Variants in SCLT1 observed in about 807,000 individuals in gnomAD.
SCLT1 encodes the protein sodium channel-associated protein 1.
In SCLT1, 78 loss-of-function variants were observed where a neutral mutation model predicts 112.8. The ratio of observed to expected loss-of-function variants is 0.69; its 90% CI spans 0.58 to 0.83. The LOEUF is 0.83. SCLT1 is among the 40% of genes least tolerant of loss of function. The pLI, the probability that SCLT1 is intolerant of heterozygous loss-of-function variation, is 0.00. For missense variants in SCLT1, 747 were observed against 770.4 expected, an observed-to-expected ratio of 0.97 and a Z score of 0.36; for synonymous variants, 257 against 254.7, an observed-to-expected ratio of 1.01 and a Z score of -0.09.
At chr4:128,906,862 T>G (rs1734732556) in intron 18 of SCLT1, among the ~76,000 whole-genome samples, 1 of 152,198 alleles carries the variant, frequency 6.6e-6, no homozygotes, top group Admixed American at 6.5e-5. Flanking sequence ...ATTGGAAAGC[T>G]ACTAGGCTTA....
At chr4:129,079,564 CTCTGCCTCT>C (rs1451829421) in intron 2 of SCLT1, among the ~76,000 whole-genome samples, 1 of 152,234 alleles carries the variant, frequency 6.6e-6, no homozygotes, top group Non-Finnish European at 1.5e-5. Flanking sequence ...CCTTGGGCAG[CTCTGCCTCT>C]GTTGCTCTGC....
chr4:128,910,771 T>C (rs972939145), intron 18 of SCLT1, among the ~76,000 whole-genome samples: 5 of 152,154 alleles, frequency 3.3e-5, no homozygotes, highest in Non-Finnish European at 5.9e-5. Flanking sequence ...TTTCTATCTT[T>C]TTAACATCAT....
At chr4:129,053,157 C>T in intron 2 of SCLT1, among the ~76,000 whole-genome samples, 1 of 152,068 alleles carries the variant, frequency 6.6e-6, no homozygotes, top group East Asian at 1.9e-4. Context: ...ATTTTGTGGT[C>T]AATTTCAGAA....
intron 1 of SCLT1, among the ~76,000 whole-genome samples, chr4:129,086,424 G>C (rs1752404578): frequency 6.6e-6 from 1 of 152,000 alleles, no homozygotes; most frequent in South Asian, 2.1e-4. Flanking sequence ...CAGGTTTACA[G>C]TTTTCCTTTC....
chr4:128,880,322 T>C (rs1338080834), downstream of SCLT1, among the ~76,000 whole-genome samples: 4 of 152,180 alleles, frequency 2.6e-5, no homozygotes, highest in Non-Finnish European at 4.4e-5. Context: ...CTTCTTTTTT[T>C]CAATGGTTCG....
At chr4:128,940,799 T>A (rs1254929833) in intron 17 of SCLT1, among the ~76,000 whole-genome samples, 1 of 152,024 alleles carries the variant, frequency 6.6e-6, no homozygotes, top group South Asian at 2.1e-4. Flanking sequence ...AGATGTAACA[T>A]ATTTACTTCT....
chr4:129,008,479 C>A (rs1160580769), intron 5 of SCLT1, among the ~76,000 whole-genome samples: 2 of 152,140 alleles, frequency 1.3e-5, no homozygotes, highest in African/African-American at 4.8e-5. Context: ...CATTATCATG[C>A]TTGTGATGCA....
chr4:129,047,915 T>G (rs1031650529), intron 2 of SCLT1, among the ~76,000 whole-genome samples: 3 of 152,174 alleles, frequency 2.0e-5, no homozygotes, highest in Admixed American at 6.6e-5. Flanking sequence ...TTTCAAATAC[T>G]CTCTCCCATT....
At chr4:129,071,878 CT>C (rs377431381) in intron 2 of SCLT1, among the ~76,000 whole-genome samples, 51 of 151,932 alleles carry the variant, frequency 3.4e-4, no homozygotes, top group African/African-American at 1.1e-3. Context: ...TTTGTTTTTG[CT>C]TTTTTAGCTT....
At chr4:128,933,116 A>T (rs944432918) in intron 18 of SCLT1, among the ~76,000 whole-genome samples, 17 of 152,148 alleles carry the variant, frequency 1.1e-4, no homozygotes, top group African/African-American at 4.1e-4. Context: ...ATTTGTATGG[A>T]ACCACAAGTG....
chr4:129,040,607 TAA>T (rs1409113947), intron 4 of SCLT1, among the ~76,000 whole-genome samples: 3 of 152,222 alleles, frequency 2.0e-5, no homozygotes, highest in Non-Finnish European at 4.4e-5. Context: ...TTCCTTACTG[TAA>T]AATATTTCAA....
chr4:128,948,572 T>C lies in SCLT1; in HGVS notation c.1219-2A>G. The C allele has an allele frequency of 6.3e-7, 1 of 1,594,166 alleles. No individual in the cohort carries two copies. The highest frequency in any genetic ancestry group is 8.6e-7 in the Non-Finnish European group (1 of 1,164,240). On this transcript the variant is annotated splice_acceptor_variant, in intron 14 of 20. Transcript: ENST00000281142. LOFTEE classifies it high-confidence loss of function. ...TTGGCCTTGTTTTTCAGCACACTCC[T>C]ATAAATTCAAGTCATATTGTAAATA... is the stretch of plus-strand genomic sequence containing the variant.
Position 128,888,670 on chromosome 4 carries a change from G to C in SCLT1, c.2004+9C>G. 6.5e-7 allele frequency: 1 copy of C among 1,541,042 alleles called. No homozygotes were observed. Among genetic ancestry groups the C allele is most frequent in the Admixed American group, 1.7e-5 (1 of 58,700 alleles). On this transcript the variant is annotated intron_variant, in intron 20 of 20. Coordinates refer to ENST00000281142, the MANE Select transcript of SCLT1 (RefSeq NM_144643.4). The stretch of plus-strand genomic sequence containing the variant: ...GTTTATTATCTAGGGATAAGAGGAT[G>C]CTCCCTACCTGCTGGGAAGCTGAAG...
At chr4:128,892,342 C>CTA (rs941128048) in intron 18 of SCLT1, among the ~76,000 whole-genome samples, 1 of 152,154 alleles carries the variant, frequency 6.6e-6, no homozygotes, top group Non-Finnish European at 1.5e-5. Flanking sequence ...TGTGTGTGAA[C>CTA]TTTTAGGGTT....
intron 5 of SCLT1, among the ~76,000 whole-genome samples, chr4:129,028,154 T>C (rs1265349502): frequency 1.3e-5 from 2 of 152,186 alleles, no homozygotes; most frequent in East Asian, 3.9e-4. Flanking sequence ...AATGACTTTC[T>C]TCACAGAACT....
intron 9 of SCLT1, among the ~76,000 whole-genome samples, chr4:128,991,362 T>C (rs1252493434): frequency 1.3e-5 from 2 of 151,780 alleles, no homozygotes; most frequent in Non-Finnish European, 3.0e-5. Context: ...GACCTGAAAC[T>C]ATGAAACTAC....
At chr4:128,953,273 A>T (rs868033032) in intron 13 of SCLT1, among the ~76,000 whole-genome samples, 1 of 152,254 alleles carries the variant, frequency 6.6e-6, no homozygotes, top group Non-Finnish European at 1.5e-5. Context: ...TTTTGAGAAG[A>T]GTAGCATTTT....
At chr4:128,969,300 C>T (rs562936404) in intron 10 of SCLT1, among the ~76,000 whole-genome samples, 42 of 152,182 alleles carry the variant, frequency 2.8e-4, no homozygotes, top group African/African-American at 4.8e-4. Flanking sequence ...TGGCCGGGCG[C>T]GGTGGCTCAC....
chr4:129,015,545 C>A (rs1744916410), intron 5 of SCLT1, among the ~76,000 whole-genome samples: 2 of 152,124 alleles, frequency 1.3e-5, no homozygotes, highest in African/African-American at 4.8e-5. Flanking sequence ...CCTAAGAGAG[C>A]AAGTTGAGCC....
Sources: gnomAD v4.1 joint callset for allele counts (sites outside exome capture counted in the v4.1 genomes callset) on GRCh38, gnomAD v4.1.1 for gene constraint, MANE v1.5 for transcripts, NCBI Gene and HGNC (gene_info 2026-07-23, HGNC 2026-07-21) for gene names.